Variants in THSD7B observed in about 807,000 individuals in gnomAD.
THSD7B encodes the protein thrombospondin type-1 domain-containing protein 7B.
A neutral mutation model predicts 213.6 loss-of-function variants in THSD7B; 138 were observed. That is an observed-to-expected ratio of 0.65 (90% CI 0.56 to 0.74). THSD7B has a LOEUF of 0.74. Ranked by LOEUF, THSD7B falls within the 30% of genes least tolerant of loss-of-function variation. The pLI is 0.00. For missense variants in THSD7B, 1,931 were observed against 1,991.5 expected (o/e 0.97, Z 0.58); for synonymous variants, 742 against 687.0 (o/e 1.08, Z -1.25).
chr2:137,143,065 C>T (rs1236804258), intron 5 of THSD7B, among the ~76,000 whole-genome samples: 2 of 152,080 alleles, frequency 1.3e-5, no homozygotes, highest in Non-Finnish European at 2.9e-5. Flanking sequence ...ATAAGAGTAT[C>T]CTGCATACCA....
At chr2:136,835,041 C>A (rs1330263736) in intron 1 of THSD7B, among the ~76,000 whole-genome samples, 2 of 152,096 alleles carry the variant, frequency 1.3e-5, no homozygotes, top group Admixed American at 1.3e-4. Flanking sequence ...AATAGTGGAG[C>A]CAAAGCTGAG....
chr2:137,606,784 G>A (rs1485198955), intron 17 of THSD7B, among the ~76,000 whole-genome samples: 2 of 152,016 alleles, frequency 1.3e-5, no homozygotes, highest in Admixed American at 1.3e-4. Context: ...AGCATTTCAT[G>A]GGAAGGAAAA....
chr2:136,900,061 T>C lies in THSD7B; in HGVS notation c.139+17744T>C, dbSNP rs151302010. 1.6e-3 allele frequency among the ~76,000 whole-genome samples: 242 copies of C among 152,244 alleles called. 4 individuals carry two copies. The East Asian group carries it at 0.042, about 26-fold the overall frequency. On this transcript the variant is annotated intron_variant, in intron 2 of 27. Coordinates refer to ENST00000409968, the MANE Select transcript of THSD7B (RefSeq NM_001316349.2). ...GTAATGATTATGGCTCCAGATGCAG[T>C]GAGAGTGATAAAGAGATTGATTAAT...
At chr2:137,393,409 T>A (rs1686092332) in intron 12 of THSD7B, among the ~76,000 whole-genome samples, 1 of 147,068 alleles carries the variant, frequency 6.8e-6, no homozygotes, top group Non-Finnish European at 1.5e-5. Flanking sequence ...GAATGTGCGG[T>A]GTTTGGTTTT....
intron 3 of THSD7B, among the ~76,000 whole-genome samples, chr2:137,061,656 A>G (rs1250901467): frequency 6.6e-6 from 1 of 151,744 alleles, no homozygotes; most frequent in Non-Finnish European, 1.5e-5. Flanking sequence ...TATGTTATGG[A>G]TTACATTAAT....
At chr2:136,971,685 A>G (rs184693050) in intron 2 of THSD7B, among the ~76,000 whole-genome samples, 2,445 of 140,292 alleles carry the variant, frequency 0.017, 35 homozygotes, top group Middle Eastern at 0.023. Context: ...ATGTATATAC[A>G]TACATATGTA....
intron 16 of THSD7B, among the ~76,000 whole-genome samples, chr2:137,565,388 T>C (rs1356741814): frequency 6.6e-6 from 1 of 152,032 alleles, no homozygotes; most frequent in African/African-American, 2.4e-5. Flanking sequence ...CATAACATGG[T>C]TGGAAAGTAG....
chr2:137,580,327 T>C (rs1681548131), intron 17 of THSD7B, among the ~76,000 whole-genome samples: 1 of 152,152 alleles, frequency 6.6e-6, no homozygotes, highest in South Asian at 2.1e-4. Context: ...TCCATCTGTG[T>C]ATCTAATTGG....
chr2:137,530,412 C>T (rs1189995429), intron 15 of THSD7B, among the ~76,000 whole-genome samples: 4 of 151,830 alleles, frequency 2.6e-5, no homozygotes, highest in African/African-American at 9.7e-5. Flanking sequence ...ATACTGTAGC[C>T]CCTGCAAATG....
intron 2 of THSD7B, among the ~76,000 whole-genome samples, chr2:136,969,195 A>C (rs914719676): frequency 9.2e-5 from 14 of 152,078 alleles, no homozygotes; most frequent in African/African-American, 3.4e-4. Context: ...CTCTTTGTCT[A>C]TCCAGTTTTG....
At chr2:137,424,984 A>G (rs1477546401) in intron 14 of THSD7B, among the ~76,000 whole-genome samples, 1 of 151,620 alleles carries the variant, frequency 6.6e-6, no homozygotes, top group African/African-American at 2.4e-5. Flanking sequence ...AGGCAGGAGA[A>G]TGGCGTGAAC....
intron 15 of THSD7B, among the ~76,000 whole-genome samples, chr2:137,562,412 G>T (rs954772938): frequency 2.0e-5 from 3 of 152,008 alleles, no homozygotes; most frequent in Non-Finnish European, 4.4e-5. Flanking sequence ...CCACAAAGAG[G>T]TAGACAAACT....
intron 5 of THSD7B, among the ~76,000 whole-genome samples, chr2:137,158,397 C>T (rs1012628916): frequency 1.3e-5 from 2 of 152,168 alleles, no homozygotes; most frequent in South Asian, 4.1e-4. Flanking sequence ...CCTTTACATT[C>T]CCCTAATACC....
At chr2:136,887,041 C>A (rs1393342880) in intron 2 of THSD7B, among the ~76,000 whole-genome samples, 1 of 152,056 alleles carries the variant, frequency 6.6e-6, no homozygotes, top group East Asian at 1.9e-4. Context: ...TAATATATTT[C>A]CTTTTAGGAC....
chr2:136,797,675 G>C (rs1262912536), intron 1 of THSD7B, among the ~76,000 whole-genome samples: 1 of 151,852 alleles, frequency 6.6e-6, no homozygotes, highest in African/African-American at 2.4e-5. Flanking sequence ...CTGAACCACT[G>C]GGGGACAAGT....
rs531320851 is a variant in THSD7B at position 137,664,072 on chromosome 2, T to G, written c.4651+497T>G. Among the ~76,000 whole-genome samples, 8 of 152,246 alleles carry G rather than the reference T, an allele frequency of 5.3e-5. No homozygotes were observed. In the South Asian group the frequency reaches 1.2e-3, roughly 24 times the overall value. ...TTCGCCATGTTGGCCAGGCTGGTCT[T>G]GAACTCCTGACTTCAAATGACCCTC... On this transcript the variant is annotated intron_variant, in intron 26 of 27. Coordinates refer to ENST00000409968, the MANE Select transcript of THSD7B (RefSeq NM_001316349.2).
intron 7 of THSD7B, among the ~76,000 whole-genome samples, chr2:137,173,838 A>G (rs114096275): frequency 0.012 from 1,890 of 152,276 alleles, 34 homozygotes; most frequent in African/African-American, 0.041. Flanking sequence ...TGACTCCTAC[A>G]TATTATCAGG....
rs10496781 is a variant in THSD7B at position 137,599,755 on chromosome 2, A to G, written c.3424-16420A>G. On this transcript the variant is annotated intron_variant, in intron 17 of 27. Transcript: ENST00000409968. ...TATCGACAAACATCTAGCTCGAAGAAATTCATTTTGAATGCCTTTATAAAG... is the reference window on the plus strand; with the variant it reads ...TATCGACAAACATCTAGCTCGAAGAGATTCATTTTGAATGCCTTTATAAAG... Among the ~76,000 whole-genome samples, 488 of 152,336 alleles carry G rather than the reference A, an allele frequency of 3.2e-3. 2 individuals are homozygous for G. The highest frequency in any genetic ancestry group is 0.011 in the African/African-American group (467 of 41,586).
At chr2:137,219,372 C>G (rs1217587363) in intron 7 of THSD7B, among the ~76,000 whole-genome samples, 1 of 152,098 alleles carries the variant, frequency 6.6e-6, no homozygotes, top group Non-Finnish European at 1.5e-5. Flanking sequence ...TGTTGATGAG[C>G]TCTACAAATT....
Sources: allele counts gnomAD v4.1 joint callset (sites outside exome capture counted in the v4.1 genomes callset), GRCh38; gene constraint gnomAD v4.1.1; transcripts MANE v1.5; gene names NCBI Gene and HGNC (gene_info 2026-07-23, HGNC 2026-07-21).